The following ZNF536 variants were observed in gnomAD, a reference collection of about 807,000 sequenced individuals.
The protein encoded by ZNF536 is zinc finger protein 536.
ZNF536 carries 13 observed loss-of-function variants against 84.5 expected under a neutral mutation model. The observed-to-expected ratio is 0.15, with a 90% CI of 0.10 to 0.24. ZNF536 has a LOEUF of 0.24. Among genes scored for constraint, ZNF536 ranks in the 10% least tolerant of loss-of-function variants. The pLI, the probability that ZNF536 is intolerant of heterozygous loss-of-function variation, is 1.00. For missense variants in ZNF536, 1,536 were observed against 1,747.5 expected (o/e 0.88, Z 2.16); for synonymous variants, 811 against 742.5 (o/e 1.09, Z -1.50).
intron 2 of ZNF536, among the ~76,000 whole-genome samples, chr19:30,286,760 C>T (rs1445264640): frequency 6.6e-6 from 1 of 152,096 alleles, no homozygotes; most frequent in Non-Finnish European, 1.5e-5. Context: ...CGTGTGCACC[C>T]ACATACATGT....
intron 2 of ZNF536, among the ~76,000 whole-genome samples, chr19:30,498,276 A>T (rs1430714257): frequency 6.6e-6 from 1 of 152,198 alleles, no homozygotes; most frequent in Non-Finnish European, 1.5e-5. Context: ...GAAGGAGATT[A>T]TGTTCTTTGC....
chr19:30,623,707 G>A (rs2048571845), intron 1 of ZNF536, among the ~76,000 whole-genome samples: 1 of 152,078 alleles, frequency 6.6e-6, no homozygotes, highest in African/African-American at 2.4e-5. Flanking sequence ...TTAAGATTTG[G>A]ACCAGCCCCA....
intron 2 of ZNF536, among the ~76,000 whole-genome samples, chr19:30,315,901 AC>A (rs1465310899): frequency 1.3e-5 from 2 of 152,144 alleles, no homozygotes; most frequent in African/African-American, 4.8e-5. Context: ...CCTGAGACTT[AC>A]TTTTTTTAAA....
rs1279453916 is a variant in ZNF536, at chr19:30,444,227, C to T, written c.665C>T (p.Pro222Leu). The T allele has an allele frequency of 5.8e-6, 9 of 1,544,834 alleles. No individual in the cohort carries two copies. Among genetic ancestry groups the T allele is most frequent in the Non-Finnish European group, 7.8e-6 (9 of 1,150,680 alleles). ...AAAGGCAGCCTGCTGCAGCCCCGGC[C>T]GGACCTGAAGCCCCCGCCGCACGCC... ...QLKGSLLQPRPDLKPPPHAQQ... is the reference protein window; with the variant it reads ...QLKGSLLQPRLDLKPPPHAQQ... Residue 222 changes from proline (P) to leucine (L), a missense_variant, in exon 2 of 5, where the codon CCG (proline) becomes CTG (leucine). Transcript: ENST00000355537.
At chr19:30,645,958 G>T (rs2089772009) in intron 1 of ZNF536, among the ~76,000 whole-genome samples, 1 of 152,036 alleles carries the variant, frequency 6.6e-6, no homozygotes, top group South Asian at 2.1e-4. Flanking sequence ...CTTCTTGCTG[G>T]ATAAGCTTTG....
At chr19:30,428,106 G>A (rs920157632) in intron 1 of ZNF536, among the ~76,000 whole-genome samples, 1 of 152,158 alleles carries the variant, frequency 6.6e-6, no homozygotes, top group Admixed American at 6.6e-5. Flanking sequence ...AAATACAAAA[G>A]GTAAAGTTAT....
intron 1 of ZNF536, among the ~76,000 whole-genome samples, chr19:30,703,098 G>C (rs2052058296): frequency 6.6e-6 from 1 of 152,196 alleles, no homozygotes; most frequent in Non-Finnish European, 1.5e-5. Flanking sequence ...CAGCTGCATG[G>C]AGGCCTGGAG....
At chr19:30,508,641 A>T (rs2145472367) in intron 2 of ZNF536, among the ~76,000 whole-genome samples, 1 of 152,040 alleles carries the variant, frequency 6.6e-6, no homozygotes, top group East Asian at 2.0e-4. Context: ...ACAACAGAGC[A>T]CCTAGGTGCC....
At chr19:30,623,085 T>C in intron 1 of ZNF536, among the ~76,000 whole-genome samples, 1 of 147,602 alleles carries the variant, frequency 6.8e-6, no homozygotes, top group African/African-American at 2.5e-5. Flanking sequence ...TCACCCAGAC[T>C]GGAACACCAG....
At chr19:30,596,308 T>A (rs911277901) in intron 1 of ZNF536, among the ~76,000 whole-genome samples, 1 of 152,222 alleles carries the variant, frequency 6.6e-6, no homozygotes, top group Non-Finnish European at 1.5e-5. Context: ...TTCCTTTGTA[T>A]TTTTTAATAA....
At chr19:30,430,969 C>A (rs767329094) in intron 1 of ZNF536, among the ~76,000 whole-genome samples, 31 of 152,222 alleles carry the variant, frequency 2.0e-4, no homozygotes, top group Non-Finnish European at 3.4e-4. Flanking sequence ...AGCCACCTCG[C>A]CTGCCCATTG....
At chr19:30,390,622 A>C (rs1390650702) in intron 1 of ZNF536, among the ~76,000 whole-genome samples, 2 of 152,204 alleles carry the variant, frequency 1.3e-5, no homozygotes, top group East Asian at 3.9e-4. Flanking sequence ...TTGAGGTCTG[A>C]AGGTGCTTTT....
chr19:30,435,000 GTGGTGATGCGGATGCTGGTGA>G (rs1194313415), intron 1 of ZNF536, among the ~76,000 whole-genome samples: 3 of 150,828 alleles, frequency 2.0e-5, no homozygotes, highest in Non-Finnish European at 4.4e-5. Context: ...GATGGTGATG[GTGGTGATGCGGATGCTGGTGA>G]TGGTGATGAT....
chr19:30,226,274 T>A (rs1312323316), upstream of ZNF536, among the ~76,000 whole-genome samples: 1 of 152,090 alleles, frequency 6.6e-6, no homozygotes, highest in Non-Finnish European at 1.5e-5. The surrounding 1 kb of genome is among the most constrained non-coding windows in gnomAD (Gnocchi z 4.6). Flanking sequence ...AAACTTCTGC[T>A]CAAGTGACTT....
At chr19:30,702,165 C>T (rs894458978) in intron 1 of ZNF536, among the ~76,000 whole-genome samples, 20 of 152,304 alleles carry the variant, frequency 1.3e-4, no homozygotes, top group Middle Eastern at 3.4e-3. Flanking sequence ...TTAGGTGCGG[C>T]GAAAGAGCAG....
intron 1 of ZNF536, among the ~76,000 whole-genome samples, chr19:30,428,732 C>T (rs2051321089): frequency 6.6e-6 from 1 of 152,168 alleles, no homozygotes; most frequent in Admixed American, 6.5e-5. Context: ...TGTCCAACAT[C>T]AGATGGATGG....
Position 30,444,377 on chromosome 19 carries a change from C to T in ZNF536, c.815C>T (p.Ala272Val), listed in dbSNP as rs2148181292. ...CAGGAGGACGCGGTGGCCCCGGCGGCGGGCTTCCGCTGTACCTTCTGCAAG... is the reference window on the plus strand; with the variant it reads ...CAGGAGGACGCGGTGGCCCCGGCGGTGGGCTTCCGCTGTACCTTCTGCAAG... ...SVQEDAVAPA[A>V]GFRCTFCKGK... The change falls in exon 2 of 5, where the codon GCG becomes GTG. Residue 272 changes from alanine to valine, a missense_variant. Ala to Val is a moderately conservative substitution (Grantham distance 64, BLOSUM62 0). Around this residue, in one of 8 missense-constraint regions of ZNF536, gnomAD observed 138 missense variants for 136.8 expected, o/e 1.01. Transcript: ENST00000355537. The T allele has an allele frequency of 1.9e-6, 3 of 1,604,226 alleles. No homozygotes were observed. Among genetic ancestry groups the T allele is most frequent in the African/African-American group, 1.3e-5 (1 of 75,050 alleles).
intron 1 of ZNF536, among the ~76,000 whole-genome samples, chr19:30,659,098 G>A (rs2050023050): frequency 6.6e-6 from 1 of 152,168 alleles, no homozygotes; most frequent in African/African-American, 2.4e-5. Flanking sequence ...AAAGCTGGTG[G>A]TGATGCAGTG....
At chr19:30,562,270 C>G (rs898221385), downstream of ZNF536, among the ~76,000 whole-genome samples, 13 of 152,068 alleles carry the variant, frequency 8.5e-5, no homozygotes, top group African/African-American at 3.1e-4. Flanking sequence ...GTCCCCATAC[C>G]AGTAGGGCCC....
Sources: gnomAD v4.1 joint callset for allele counts (sites outside exome capture counted in the v4.1 genomes callset) on GRCh38, gnomAD v4.1.1 for gene constraint, gnomAD v4.1.1 regional missense constraint, Gnocchi (gnomAD v3.1) non-coding constraint, MANE v1.5 for transcripts, NCBI Gene and HGNC (gene_info 2026-07-23, HGNC 2026-07-21) for gene names.